Variants in ADAP2 observed in about 807,000 individuals in gnomAD.
ADAP2 encodes the protein ArfGAP with dual PH domains 2.
Under a neutral mutation model 54.9 loss-of-function variants are expected in ADAP2, and 42 were observed. The observed-to-expected ratio is 0.77, with a 90% CI of 0.60 to 0.99. The LOEUF (loss-of-function observed/expected upper bound fraction) is 0.99. Ranked by LOEUF, ADAP2 falls within the 50% of genes least tolerant of loss-of-function variation. The pLI is 0.00. For synonymous variants in ADAP2, 177 were observed against 180.1 expected (o/e 0.98, Z 0.14); for missense variants, 429 against 480.4 (o/e 0.89, Z 1.00).
rs965860020 is a variant in ADAP2 at position 30,922,111 on chromosome 17, A to G, written c.94+3A>G. 1.6e-5 allele frequency: 20 copies of G among 1,245,074 alleles called. No individual in the cohort carries two copies. The highest frequency in any genetic ancestry group is 1.9e-5 in the Non-Finnish European group (19 of 995,350). The allele number at this position is 1,245,074 out of a possible 1,614,324, so 77.1% of individuals were successfully genotyped here. A position where few individuals can be genotyped will look rare whatever the true frequency, so the allele number is the denominator to read the frequency against. On this transcript the variant is annotated splice_donor_region_variant and intron_variant, in intron 1 of 10. Transcript: ENST00000330889. ...CTGCGCCGACTGCGGGGCGGCAGGT[A>G]AGGGCGCGGCGGCGCGGGCAGCGCG...
At chr17:30,938,274 G>C (rs1391916256) in intron 5 of ADAP2, among the ~76,000 whole-genome samples, 1 of 152,168 alleles carries the variant, frequency 6.6e-6, no homozygotes, top group Non-Finnish European at 1.5e-5. Context: ...CTCATGTCTG[G>C]TGCCTTGGTG....
intron 7 of ADAP2, 78 bp downstream of exon 7, chr17:30,949,448 C>A: frequency 7.2e-7 from 1 of 1,381,232 alleles, no homozygotes; most frequent in Non-Finnish European, 1.0e-6. Flanking sequence ...ACCTCGAAGA[C>A]ACTCAGAAGC....
intron 5 of ADAP2, 29 bp downstream of exon 5, chr17:30,934,326 C>T (rs937463731): frequency 9.2e-6 from 14 of 1,513,808 alleles, no homozygotes; most frequent in Non-Finnish European, 1.1e-5. Flanking sequence ...GAGAGCAGGT[C>T]CCTTCCTGAG....
chr17:30,945,235 TG>T (rs1429915787), intron 6 of ADAP2, among the ~76,000 whole-genome samples, 182 bp downstream of exon 6: 1 of 152,064 alleles, frequency 6.6e-6, no homozygotes, highest in Non-Finnish European at 1.5e-5. Context: ...GAGGGCAGGG[TG>T]AGATCAGGGA....
At chr17:30,941,340 A>G (rs964321749) in intron 5 of ADAP2, among the ~76,000 whole-genome samples, 5 of 152,248 alleles carry the variant, frequency 3.3e-5, no homozygotes, top group African/African-American at 1.2e-4. Flanking sequence ...CGCCATCTTC[A>G]ACATCATCTT....
Position 30,922,926 on chromosome 17 carries a change from C to G in ADAP2, c.95-14C>G. 2 of 1,613,186 alleles carry G rather than the reference C, an allele frequency of 1.2e-6. No individual in the cohort carries two copies. The highest frequency in any genetic ancestry group is 1.7e-6 in the Non-Finnish European group (2 of 1,179,728). On this transcript the variant is annotated splice_polypyrimidine_tract_variant and intron_variant, in intron 1 of 10. Coordinates refer to ENST00000330889, the MANE Select transcript of ADAP2 (RefSeq NM_018404.3). Reference sequence around the variant, plus strand: ...GCTTTCCGCTCAGCTCCTCTCCTGCCTCATCCCCTGCAGATCCCGACTGGG... The same window carrying G: ...GCTTTCCGCTCAGCTCCTCTCCTGCGTCATCCCCTGCAGATCCCGACTGGG...
At chr17:30,923,637 GTTT>G (rs1202953756) in intron 2 of ADAP2, among the ~76,000 whole-genome samples, 1 of 145,088 alleles carries the variant, frequency 6.9e-6, no homozygotes, top group African/African-American at 2.6e-5. Context: ...TGGACCCTCA[GTTT>G]CCACATCTGT....
chr17:30,938,499 G>A (rs1034240481), intron 5 of ADAP2, among the ~76,000 whole-genome samples: 4 of 152,174 alleles, frequency 2.6e-5, no homozygotes, highest in African/African-American at 7.2e-5. Context: ...AGAGGGTCAC[G>A]TATACACTGG....
chr17:30,922,892 C>T (rs771833290), intron 1 of ADAP2, 48 bp from the exon 2 acceptor site: 1 of 1,599,784 alleles, frequency 6.3e-7, no homozygotes, highest in Non-Finnish European at 8.5e-7. Flanking sequence ...GCCCTGGTTT[C>T]TTCACCGCGC....
rs1402692134 is a variant in ADAP2 at position 30,922,204 on chromosome 17, C to A, written c.94+96C>A. 5 of 920,694 alleles carry A rather than the reference C, an allele frequency of 5.4e-6. No homozygotes were observed. The South Asian group carries it at 2.1e-4, about 39-fold the overall frequency. 57.0% of individuals were successfully genotyped at this position (920,694 alleles called of 1,614,324 possible). A position where few individuals can be genotyped will look rare whatever the true frequency, so the allele number is the denominator to read the frequency against. On this transcript the variant is annotated intron_variant, in intron 1 of 10. Transcript: ENST00000330889. ...GGCCCCACCGGGTCCCGCCCTCGGC[C>A]CCCTGGACCCAGACGTGGCACCTGC...
intron 4 of ADAP2, among the ~76,000 whole-genome samples, chr17:30,932,289 G>A (rs142847930): frequency 1.1e-4 from 17 of 148,472 alleles, no homozygotes; most frequent in South Asian, 6.4e-4. Flanking sequence ...CTGGAGTGCA[G>A]TGGCACTATC....
intron 5 of ADAP2, among the ~76,000 whole-genome samples, chr17:30,940,522 C>T (rs577009765): frequency 6.6e-6 from 1 of 152,288 alleles, no homozygotes; most frequent in African/African-American, 2.4e-5. Flanking sequence ...CCAGGCTGGT[C>T]TCGAACTCCT....
At chr17:30,928,467 C>T (rs1472529157) in intron 3 of ADAP2, among the ~76,000 whole-genome samples, 1 of 152,128 alleles carries the variant, frequency 6.6e-6, no homozygotes, top group Middle Eastern at 3.4e-3. Flanking sequence ...CCAGCTTGGG[C>T]AACAGAGTGA....
chr17:30,922,349 G>A (rs183730182), intron 1 of ADAP2, among the ~76,000 whole-genome samples: 167 of 151,936 alleles, frequency 1.1e-3, no homozygotes, highest in Non-Finnish European at 2.1e-3. Context: ...GGGACCAGAT[G>A]CGCATCTTCC....
chr17:30,948,452 C>T (rs1233761029), intron 6 of ADAP2, among the ~76,000 whole-genome samples: 1 of 151,510 alleles, frequency 6.6e-6, no homozygotes, highest in Non-Finnish European at 1.5e-5. Flanking sequence ...CGCCTGTAGT[C>T]CCAGCTACTC....
At chr17:30,936,649 G>C (rs1000915457) in intron 5 of ADAP2, among the ~76,000 whole-genome samples, 3 of 152,114 alleles carry the variant, frequency 2.0e-5, no homozygotes, top group Admixed American at 2.0e-4. Flanking sequence ...GGGCGCGGTG[G>C]CTCACGCCTG....
chr17:30,944,522 C>T (rs1047413433), intron 5 of ADAP2, among the ~76,000 whole-genome samples: 6 of 152,172 alleles, frequency 3.9e-5, no homozygotes, highest in Non-Finnish European at 7.3e-5. Flanking sequence ...TGCAGTGGCA[C>T]GATCTCAGCT....
chr17:30,937,789 CT>C (rs1226836607), intron 5 of ADAP2, among the ~76,000 whole-genome samples: 8 of 152,208 alleles, frequency 5.3e-5, no homozygotes, highest in African/African-American at 1.9e-4. Context: ...CTCTATAAAA[CT>C]ACAAGAATAG....
intron 6 of ADAP2, among the ~76,000 whole-genome samples, chr17:30,948,333 C>A (rs532644737): frequency 6.6e-6 from 1 of 151,722 alleles, no homozygotes; most frequent in African/African-American, 2.4e-5. Context: ...AATCCCAGCA[C>A]TTTGGGAGGC....
Sources: allele counts gnomAD v4.1 joint callset (sites outside exome capture counted in the v4.1 genomes callset), GRCh38; gene constraint gnomAD v4.1.1; transcripts MANE v1.5; gene names NCBI Gene and HGNC (gene_info 2026-07-23, HGNC 2026-07-21).